RP1L1: variants seen among roughly 807,000 people sequenced by gnomAD.
RP1L1 encodes the protein RP1 like 1, also known as retinitis pigmentosa 1-like 1 protein.
Under a neutral mutation model 15.7 loss-of-function variants are expected in RP1L1, and 27 were observed. The ratio of observed to expected loss-of-function variants is 1.72; its 90% confidence interval spans 1.27 to 2.38. RP1L1 has a LOEUF of 2.38. RP1L1 is among the 30% of genes most tolerant of loss of function. The pLI, the probability that RP1L1 is intolerant of heterozygous loss-of-function variation, is 0.00. For synonymous variants in RP1L1, 1,813 were observed against 1,276.7 expected (o/e 1.42, Z -8.96); for missense variants, 4,798 against 3,075.9 (o/e 1.56, Z -13.24).
At chr8:10,651,058 C>A (rs1798552825) in intron 1 of RP1L1, among the ~76,000 whole-genome samples, 1 of 152,150 alleles carries the variant, frequency 6.6e-6, no homozygotes, top group African/African-American at 2.4e-5. Context: ...TGATTATTAC[C>A]TTGAGATCTA....
Position 10,610,058 on chromosome 8 carries a change from T to C in RP1L1, c.4040A>G (p.Glu1347Gly), listed in dbSNP as rs1797803365. The change falls in exon 4 of 4, where the codon GAA becomes GGA. Residue 1347 changes from glutamate to glycine, a missense_variant. Coordinates refer to ENST00000382483, the MANE Select transcript of RP1L1 (RefSeq NM_178857.6). The stretch of plus-strand genomic sequence containing the variant: ...CTGCGCCTCTTCTTCTTGCTGTCCT[T>C]CTCCTTCTGTTTCTTTAGTTTCCTC... ...QLEETKETEG[E>G]GQQEEEAQLE... 1.6e-5 allele frequency: 17 copies of C among 1,051,452 alleles called. 1 individual carries two copies. Among genetic ancestry groups the C allele is most frequent in the East Asian group, 5.1e-5 (1 of 19,706 alleles). The allele number at this position is 1,051,452 out of a possible 1,614,324, so 65.1% of individuals were successfully genotyped here.
intron 1 of RP1L1, among the ~76,000 whole-genome samples, chr8:10,652,753 G>C (rs987806258): frequency 1.3e-4 from 19 of 151,930 alleles, no homozygotes; most frequent in African/African-American, 4.6e-4. Flanking sequence ...TCTCCACTCT[G>C]AGCCCACGTC....
chr8:10,647,239 G>A (rs1798493082), intron 1 of RP1L1, among the ~76,000 whole-genome samples: 1 of 152,202 alleles, frequency 6.6e-6, no homozygotes, highest in South Asian at 2.1e-4. Flanking sequence ...CCTAACGAAT[G>A]TCCGCCCTCT....
At position 10,610,680 on chromosome 8, in the gene RP1L1, T is replaced by C; in HGVS notation, c.3418A>G (p.Arg1140Gly). ...EDLGSPASKV[R>G]FKDSPRYQEL... ...TGGTACCGAGGGGAGTCTTTGAACC[T>C]CACTTTGCTGGCAGGAGACCCAAGG... The change falls in exon 4 of 4, where the codon AGG (arginine) becomes GGG (glycine). Residue 1140 changes from arginine (R) to glycine (G), a missense_variant. Transcript: ENST00000382483. The C allele has an allele frequency of 1.2e-6, 2 of 1,612,336 alleles. No homozygotes were observed. Among genetic ancestry groups the C allele is most frequent in the Non-Finnish European group, 1.7e-6 (2 of 1,179,284 alleles).
At position 10,616,597 on chromosome 8, in the gene RP1L1, G is replaced by C. The variant is rs1401022348; in HGVS notation, c.610-10C>G. ...CCTGCAGCGAGTCCACCTGAGGGAG[G>C]AGCGGGCGGGGTCAGGAGGCCTGGG... On this transcript the variant is annotated splice_polypyrimidine_tract_variant and intron_variant, in intron 2 of 3. Transcript: ENST00000382483. 4 of 1,608,572 alleles carry C rather than the reference G, an allele frequency of 2.5e-6. No homozygotes were observed. Among genetic ancestry groups the C allele is most frequent in the South Asian group, 1.1e-5 (1 of 91,040 alleles).
Position 10,608,978 on chromosome 8 carries a change from T to G in RP1L1, c.5120A>C (p.Glu1707Ala), listed in dbSNP as rs1471409500. 7.4e-6 allele frequency: 12 copies of G among 1,613,016 alleles called. No individual in the cohort carries two copies. The highest frequency in any genetic ancestry group is 9.3e-6 in the Non-Finnish European group (11 of 1,179,238). The change falls in exon 4 of 4, where the codon GAG (glutamate) becomes GCG (alanine). Residue 1707 changes from glutamate to alanine, a missense_variant. Coordinates refer to ENST00000382483, the MANE Select transcript of RP1L1 (RefSeq NM_178857.6). The stretch of plus-strand genomic sequence containing the variant: ...CGTGTGGGTCTTGCCAGGGGCCACC[T>G]CTGCTGCCTCCCCATCAGTGTGTTC... ...RGEHTDGEAA[E>A]VAPGKTHTDP...
Position 10,611,204 on chromosome 8 carries a change from GGAATGTTGT to G in RP1L1, c.2885_2893del (p.Asp962_Pro965delinsAla). 6.2e-7 allele frequency: 1 copy of G among 1,612,950 alleles called. No individual in the cohort carries two copies. Among genetic ancestry groups the G allele is most frequent in the Admixed American group, 1.7e-5 (1 of 60,034 alleles). The stretch of plus-strand genomic sequence containing the variant: ...ATATGTCATGAGTATGGGCTCTTCT[GGAATGTTGT>G]CCAGCCATTCGCGGACCACAGCCTC... On this transcript the variant is annotated inframe_deletion, in exon 4 of 4. Coordinates refer to ENST00000382483, the MANE Select transcript of RP1L1 (RefSeq NM_178857.6).
At chr8:10,648,543 C>T (rs564981943) in intron 1 of RP1L1, among the ~76,000 whole-genome samples, 46 of 152,236 alleles carry the variant, frequency 3.0e-4, no homozygotes, top group African/African-American at 1.0e-3. Context: ...ATCTGTTATG[C>T]GTTTCCAAGC....
At chr8:10,616,006 G>C (rs774422163) in intron 3 of RP1L1, among the ~76,000 whole-genome samples, 1 of 151,924 alleles carries the variant, frequency 6.6e-6, no homozygotes, top group Non-Finnish European at 1.5e-5. Context: ...CTAGGCTCAA[G>C]GGATCCTCCC....
At chr8:10,652,512 A>G (rs761847762) in intron 1 of RP1L1, among the ~76,000 whole-genome samples, 1 of 152,180 alleles carries the variant, frequency 6.6e-6, no homozygotes, top group Admixed American at 6.5e-5. Context: ...CCAGCCCCGC[A>G]GTATCTTAAA....
Position 10,606,943 on chromosome 8 carries a change from C to A in RP1L1, c.7155G>T (p.Glu2385Asp), listed in dbSNP as rs747908254. Residue 2385 changes from glutamate to aspartate, a missense_variant, in exon 4 of 4, where the codon GAG becomes GAT. Physicochemically the swap from Glu to Asp is conservative, Grantham distance 45. Coordinates refer to ENST00000382483, the MANE Select transcript of RP1L1 (RefSeq NM_178857.6). ...CAAAGCCGTCTGCCCTGCCCACTGC[C>A]TCAGTGGGGGCGAGACTTCCGAGTG... ...DQALGSLAPT[E>D]AVGRADGFGQ... 2.5e-6 allele frequency: 4 copies of A among 1,614,136 alleles called. No individual in the cohort carries two copies. Among genetic ancestry groups the A allele is most frequent in the Admixed American group, 1.7e-5 (1 of 60,016 alleles).
Position 10,610,476 on chromosome 8 carries a change from C to T in RP1L1, c.3622G>A (p.Gly1208Arg), listed in dbSNP as rs766711487. The T allele has an allele frequency of 1.2e-6, 2 of 1,613,770 alleles. No homozygotes were observed. Among genetic ancestry groups the T allele is most frequent in the South Asian group, 2.2e-5 (2 of 91,086 alleles). Residue 1208 changes from glycine to arginine, a missense_variant, in exon 4 of 4, where the codon GGA (glycine) becomes AGA (arginine). Gly to Arg is a moderately radical substitution (Grantham distance 125). Coordinates refer to ENST00000382483, the MANE Select transcript of RP1L1 (RefSeq NM_178857.6). ...SSGVDISSGS[G>R]GSGESSVPCA... ...GGTACGCTACTCTCCCCTGAGCCTC[C>T]AGAGCCGCTGCTGATGTCCACACCA...
At chr8:10,651,734 C>G (rs1177138960) in intron 1 of RP1L1, among the ~76,000 whole-genome samples, 1 of 136,640 alleles carries the variant, frequency 7.3e-6, no homozygotes, top group Non-Finnish European at 1.5e-5. Flanking sequence ...TCCAGCCTGG[C>G]AACAGAGCGA....
chr8:10,623,320 A>C, intron 1 of RP1L1, 100 bp from the exon 2 acceptor site: 7 of 868,278 alleles, frequency 8.1e-6, no homozygotes, highest in South Asian at 1.8e-5. Flanking sequence ...CCCACCCCAA[A>C]TGTGCTCCAC....
In RP1L1 at chr8:10,616,516, G is replaced by C. The variant is rs758897868; in HGVS notation, c.681C>G (p.Thr227=). The change falls in exon 3 of 4, where the codon ACC becomes ACG. Residue 227 remains threonine (T), a synonymous_variant. Transcript: ENST00000382483. ...TTCTCCTGGCATTTTTCATGGCTGG[G>C]GTTCTGAAGGCCTCATGCCCGGCAC... ...LVCAGHEAFR[T]PAMKNARRSE... 4 of 1,614,200 alleles carry C rather than the reference G, an allele frequency of 2.5e-6. 1 individual carries two copies. The Admixed American group carries it at 5.0e-5, about 20-fold the overall frequency.
At chr8:10,631,348 C>G (rs1421055841) in intron 1 of RP1L1, among the ~76,000 whole-genome samples, 1 of 52,642 alleles carries the variant, frequency 1.9e-5, no homozygotes, top group South Asian at 9.8e-4. Flanking sequence ...CACACACGCA[C>G]ACACATGCAC....
chr8:10,643,219 A>AG (rs1250834307), intron 1 of RP1L1, among the ~76,000 whole-genome samples: 2 of 152,190 alleles, frequency 1.3e-5, no homozygotes, highest in African/African-American at 4.8e-5. Context: ...ATGTACCTGT[A>AG]GTCCCAGCTA....
intron 2 of RP1L1, 124 bp downstream of exon 2, chr8:10,622,469 C>A: frequency 7.9e-7 from 1 of 1,263,338 alleles, no homozygotes; most frequent in South Asian, 1.2e-5. Flanking sequence ...TGCTGTTCAC[C>A]TTTAATTAGC....
intron 1 of RP1L1, among the ~76,000 whole-genome samples, chr8:10,632,488 C>A (rs965127458): frequency 6.6e-6 from 1 of 152,158 alleles, no homozygotes; most frequent in Non-Finnish European, 1.5e-5. Context: ...GGGGAGGGAC[C>A]CCCATCTCAT....
Sources: gnomAD v4.1 joint callset for allele counts (sites outside exome capture counted in the v4.1 genomes callset) on GRCh38, gnomAD v4.1.1 for gene constraint, MANE v1.5 for transcripts, NCBI Gene and HGNC (gene_info 2026-07-23, HGNC 2026-07-21) for gene names.